The following SCAPER variants were observed in gnomAD, a reference collection of about 807,000 sequenced individuals.
SCAPER encodes S phase cyclin A-associated protein in the endoplasmic reticulum.
Under a neutral mutation model 182.2 loss-of-function variants are expected in SCAPER, and 98 were observed. The ratio of observed to expected loss-of-function variants is 0.54; its 90% CI spans 0.46 to 0.64. SCAPER has a LOEUF of 0.64. SCAPER is among the 30% of genes least tolerant of loss of function. The pLI is 0.00. For synonymous variants in SCAPER, 605 were observed against 564.6 expected, an observed-to-expected ratio of 1.07 and a Z score of -1.01; for missense variants, 1,432 against 1,690.0, an observed-to-expected ratio of 0.85 and a Z score of 2.68.
rs374803768 is a variant in SCAPER, at chr15:76,639,992, T to C, written c.2646-18163A>G. On this transcript the variant is annotated intron_variant, in intron 21 of 31. Coordinates refer to ENST00000563290, the MANE Select transcript of SCAPER (RefSeq NM_020843.4). ...GCTCCCTGTAGCCATACATAGGCCT[T>C]GGGAATCTTCCCCTTCTATCCATGT... Among the ~76,000 whole-genome samples the C allele has an allele frequency of 1.8e-4, 27 of 152,312 alleles. 1 individual carries two copies. In the East Asian group the frequency reaches 2.3e-3, roughly 13 times the overall value.
In SCAPER at chr15:76,597,655, C is replaced by A. The variant is rs1343629409; in HGVS notation, c.2712-23371G>T. On this transcript the variant is annotated intron_variant, in intron 22 of 31. Coordinates refer to ENST00000563290, the MANE Select transcript of SCAPER (RefSeq NM_020843.4). ...CCTCAGAAATAATGCCACACATCTA[C>A]AACCATCTGATCTTTGACAAACCTG... is the stretch of plus-strand genomic sequence containing the variant. 1.3e-4 allele frequency among the ~76,000 whole-genome samples: 16 copies of A among 120,610 alleles called. 6 individuals are homozygous for A. Among genetic ancestry groups the A allele is most frequent in the Middle Eastern group, 0.01 (2 of 200 alleles). 79.1% of individuals were successfully genotyped at this position (120,610 alleles called of 152,430 possible).
chr15:76,729,552 C>A (rs1296474364), intron 16 of SCAPER, among the ~76,000 whole-genome samples: 1 of 152,044 alleles, frequency 6.6e-6, no homozygotes, highest in Non-Finnish European at 1.5e-5. Flanking sequence ...AGAGGTAATA[C>A]AATAGAGCAC....
chr15:76,499,496 A>G (rs1172625028), intron 24 of SCAPER, among the ~76,000 whole-genome samples: 1 of 152,192 alleles, frequency 6.6e-6, no homozygotes, highest in African/African-American at 2.4e-5. Context: ...CTTTGCTTTC[A>G]TCTGCTGGAG....
chr15:76,700,602 C>G (rs1050781466), intron 20 of SCAPER, among the ~76,000 whole-genome samples: 18 of 152,110 alleles, frequency 1.2e-4, no homozygotes, highest in African/African-American at 2.4e-4. Context: ...AGTGTGCCAG[C>G]CTTCTTGATG....
chr15:76,773,911 C>T (rs1357070351), intron 9 of SCAPER, among the ~76,000 whole-genome samples: 1 of 151,726 alleles, frequency 6.6e-6, no homozygotes, highest in East Asian at 1.9e-4. Flanking sequence ...CATAAAATTA[C>T]ACCAACGGAA....
chr15:76,816,519 A>G lies in SCAPER; in HGVS notation c.394-11886T>C, dbSNP rs543746436. On this transcript the variant is annotated intron_variant, in intron 5 of 31. Transcript: ENST00000563290. The stretch of plus-strand genomic sequence containing the variant: ...GTATGGGAGCTATCATCTCCTGATG[A>G]CAATGCTTTATCCTGGAATACCACC... 1.4e-4 allele frequency among the ~76,000 whole-genome samples: 22 copies of G among 152,306 alleles called. No homozygotes were observed. The Middle Eastern group carries it at 0.01, about 71-fold the overall frequency.
intron 9 of SCAPER, among the ~76,000 whole-genome samples, chr15:76,774,168 T>G (rs1057322875): frequency 1.6e-4 from 24 of 151,860 alleles, no homozygotes; most frequent in African/African-American, 5.8e-4. Context: ...CTAACCAAAC[T>G]GATACCATAT....
intron 25 of SCAPER, among the ~76,000 whole-genome samples, chr15:76,465,275 T>C (rs2142992983): frequency 6.6e-6 from 1 of 152,184 alleles, no homozygotes; most frequent in Non-Finnish European, 1.5e-5. Flanking sequence ...AGAAGGCGCT[T>C]TCCAGCTGTG....
chr15:76,560,261 T>A (rs1426520000), intron 23 of SCAPER, among the ~76,000 whole-genome samples: 1 of 152,162 alleles, frequency 6.6e-6, no homozygotes, highest in East Asian at 1.9e-4. Flanking sequence ...CCTATCCTAC[T>A]TTTCAAAGGA....
intron 15 of SCAPER, among the ~76,000 whole-genome samples, chr15:76,735,177 C>G (rs1377472166): frequency 1.3e-5 from 2 of 151,844 alleles, no homozygotes; most frequent in Non-Finnish European, 2.9e-5. Context: ...ATGACTATCT[C>G]TATTAAATAT....
chr15:76,514,884 A>G (rs2042300540), intron 23 of SCAPER, among the ~76,000 whole-genome samples: 1 of 152,214 alleles, frequency 6.6e-6, no homozygotes, highest in South Asian at 2.1e-4. Flanking sequence ...AGGAAGCACA[A>G]TGAGATGATG....
chr15:76,402,281 C>T (rs1349139894), intron 27 of SCAPER, among the ~76,000 whole-genome samples: 1 of 152,084 alleles, frequency 6.6e-6, no homozygotes, highest in Admixed American at 6.6e-5. Flanking sequence ...GTATTATCTA[C>T]CAATTTATTA....
chr15:76,798,901 A>C (rs2065535342), intron 7 of SCAPER, among the ~76,000 whole-genome samples: 1 of 152,184 alleles, frequency 6.6e-6, no homozygotes, highest in East Asian at 1.9e-4. Context: ...TCCAGGCTCA[A>C]ACAAAAGGAC....
intron 24 of SCAPER, among the ~76,000 whole-genome samples, chr15:76,497,989 C>CAA (rs747096625): frequency 0.18 from 10,210 of 57,992 alleles, 3,013 homozygotes; most frequent in East Asian, 0.32. Context: ...GACTCCGTCT[C>CAA]AAAAAAAAAA....
chr15:76,463,037 A>G (rs2049313966), intron 25 of SCAPER, among the ~76,000 whole-genome samples: 1 of 152,134 alleles, frequency 6.6e-6, no homozygotes, highest in South Asian at 2.1e-4. Context: ...AATAGACTAC[A>G]TACTATGAAG....
chr15:76,540,809 G>C (rs1033290415), intron 23 of SCAPER, among the ~76,000 whole-genome samples: 4 of 151,922 alleles, frequency 2.6e-5, no homozygotes. Flanking sequence ...CCTTATGATA[G>C]AATATCATGT....
At chr15:76,557,810 C>A (rs1022453682) in intron 23 of SCAPER, among the ~76,000 whole-genome samples, 4 of 151,944 alleles carry the variant, frequency 2.6e-5, no homozygotes, top group Non-Finnish European at 5.9e-5. Flanking sequence ...ATACATAGAC[C>A]AATGGAATAG....
intron 6 of SCAPER, among the ~76,000 whole-genome samples, chr15:76,804,209 A>G (rs1004770658): frequency 1.3e-5 from 2 of 152,162 alleles, no homozygotes; most frequent in Non-Finnish European, 2.9e-5. Context: ...CCTCCAAAAG[A>G]GATTTGTCCT....
intron 22 of SCAPER, among the ~76,000 whole-genome samples, chr15:76,621,280 G>T (rs1185246902): frequency 6.6e-6 from 1 of 152,118 alleles, no homozygotes; most frequent in Non-Finnish European, 1.5e-5. Context: ...CACCTCAATG[G>T]TGAAGTCTAA....
Sources: gnomAD v4.1 joint callset for allele counts (sites outside exome capture counted in the v4.1 genomes callset) on GRCh38, gnomAD v4.1.1 for gene constraint, MANE v1.5 for transcripts, NCBI Gene and HGNC (gene_info 2026-07-23, HGNC 2026-07-21) for gene names.